ZNF618: variants seen among roughly 807,000 people sequenced by gnomAD.
ZNF618 encodes the protein zinc finger protein 618.
A neutral mutation model predicts 103.0 loss-of-function variants in ZNF618; 34 were observed. That is an observed-to-expected ratio of 0.33 (90% CI 0.25 to 0.44). The LOEUF is 0.44. ZNF618 is among the 20% of genes least tolerant of loss of function. The pLI is 1.00. For synonymous variants in ZNF618, 551 were observed against 542.2 expected (o/e 1.02, Z -0.23); for missense variants, 1,059 against 1,295.4 (o/e 0.82, Z 2.80).
chr9:113,915,100 A>G (rs1831946232), intron 1 of ZNF618, among the ~76,000 whole-genome samples: 1 of 152,242 alleles, frequency 6.6e-6, no homozygotes, highest in Admixed American at 6.5e-5. Context: ...CAGTTTTAGC[A>G]GCAACTGACC....
intron 6 of ZNF618, among the ~76,000 whole-genome samples, chr9:114,005,259 A>G (rs775268922): frequency 1.3e-5 from 2 of 152,224 alleles, no homozygotes; most frequent in African/African-American, 2.4e-5. Context: ...TCTAAGAGAC[A>G]CCGAGCTCTC....
At chr9:113,958,317 G>C (rs527567598) in intron 1 of ZNF618, among the ~76,000 whole-genome samples, 2 of 152,236 alleles carry the variant, frequency 1.3e-5, no homozygotes, top group Non-Finnish European at 2.9e-5. Flanking sequence ...CCTGCACATG[G>C]GGACTGGTGA....
intron 1 of ZNF618, among the ~76,000 whole-genome samples, chr9:113,911,205 A>G (rs1831514702): frequency 6.6e-6 from 1 of 152,258 alleles, no homozygotes; most frequent in African/African-American, 2.4e-5. Flanking sequence ...TGTTATAACA[A>G]ATAGCAAGTG....
At chr9:113,954,598 A>C (rs1486560301) in intron 1 of ZNF618, among the ~76,000 whole-genome samples, 1 of 151,812 alleles carries the variant, frequency 6.6e-6, no homozygotes, top group African/African-American at 2.4e-5. Context: ...ACTCAGGTGG[A>C]CTCTTTGGTT....
chr9:114,006,623 A>G (rs1241485725), intron 6 of ZNF618, among the ~76,000 whole-genome samples: 1 of 152,210 alleles, frequency 6.6e-6, no homozygotes, highest in African/African-American at 2.4e-5. Flanking sequence ...ACTGGAAGCA[A>G]CAAGCATTGA....
chr9:113,969,179 C>A lies in ZNF618; in HGVS notation c.77+19C>A. The stretch of plus-strand genomic sequence containing the variant: ...CGAGCAGGTACACTCCCTCTCCCGC[C>A]CCCAGCTTGTCCACCCATCGACTCA... On this transcript the variant is annotated intron_variant, in intron 2 of 14. Transcript: ENST00000374126. 1 of 1,613,960 alleles carries A rather than the reference C, an allele frequency of 6.2e-7. No individual in the cohort carries two copies. Among genetic ancestry groups the A allele is most frequent in the Non-Finnish European group, 8.5e-7 (1 of 1,179,858 alleles).
intron 10 of ZNF618, among the ~76,000 whole-genome samples, chr9:114,020,698 T>A (rs1380390076): frequency 2.0e-5 from 3 of 152,152 alleles, no homozygotes; most frequent in African/African-American, 7.2e-5. Context: ...TAGATTTTTT[T>A]AGATTTTTTT....
chr9:113,962,642 C>G (rs1836962015), intron 1 of ZNF618, among the ~76,000 whole-genome samples: 1 of 152,200 alleles, frequency 6.6e-6, no homozygotes, highest in Non-Finnish European at 1.5e-5. Flanking sequence ...GTCATTTGCA[C>G]TGGCATCCAC....
At chr9:113,928,327 T>G (rs1039960134) in intron 1 of ZNF618, among the ~76,000 whole-genome samples, 1 of 152,230 alleles carries the variant, frequency 6.6e-6, no homozygotes, top group African/African-American at 2.4e-5. Context: ...TGTTGTCTAA[T>G]TTTTCCATTA....
chr9:114,000,751 G>A (rs573143035), intron 4 of ZNF618, among the ~76,000 whole-genome samples: 15 of 152,266 alleles, frequency 9.9e-5, no homozygotes, highest in African/African-American at 3.4e-4. Context: ...CGGAGGGGCT[G>A]GTCTTGTGCT....
intron 10 of ZNF618, among the ~76,000 whole-genome samples, chr9:114,019,168 T>C (rs1403568842): frequency 8.7e-6 from 1 of 115,190 alleles, no homozygotes; most frequent in African/African-American, 2.6e-5. Flanking sequence ...TATCATATTC[T>C]CATATGTATC....
chr9:114,011,497 G>A (rs1372312785), intron 9 of ZNF618, among the ~76,000 whole-genome samples: 1 of 152,240 alleles, frequency 6.6e-6, no homozygotes, highest in Non-Finnish European at 1.5e-5. Context: ...GAATGGAGCT[G>A]AGATTGCTGG....
Position 114,048,651 on chromosome 9 carries a change from C to A in ZNF618, c.1349C>A (p.Thr450Asn), listed in dbSNP as rs1438785240. Residue 450 changes from threonine (T) to asparagine (N), a missense_variant and splice_region_variant, in exon 15 of 15, where the codon ACC becomes AAC. Physicochemically the swap from Thr to Asn is moderately conservative, Grantham distance 65 (BLOSUM62 0). Around this residue, in one of 6 missense-constraint regions of ZNF618, gnomAD observed 434 missense variants for 476.0 expected, o/e 0.91. Coordinates refer to ENST00000374126, the MANE Select transcript of ZNF618 (RefSeq NM_001318042.2). ...CATCTGTCTTTGTGTCCTCTGCCAG[C>A]CACTACCAGTGGTTTAACACCCAAC... ...PQAQRNSANNTTTSGLTPNSM... is the reference protein window; with the variant it reads ...PQAQRNSANNNTTSGLTPNSM... The A allele has an allele frequency of 6.2e-7, 1 of 1,606,488 alleles. No individual in the cohort carries two copies. Among genetic ancestry groups the A allele is most frequent in the Non-Finnish European group, 8.5e-7 (1 of 1,174,766 alleles).
chr9:113,945,399 T>A (rs569756286), intron 1 of ZNF618, among the ~76,000 whole-genome samples: 11 of 152,212 alleles, frequency 7.2e-5, no homozygotes, highest in African/African-American at 2.7e-4. Flanking sequence ...ATGATAGTTA[T>A]CTATTTATTG....
At chr9:113,974,987 AAT>A (rs1838347638) in intron 2 of ZNF618, among the ~76,000 whole-genome samples, 2 of 152,298 alleles carry the variant, frequency 1.3e-5, no homozygotes, top group African/African-American at 4.8e-5. Context: ...TAGGTGTAAT[AAT>A]ATATATACCC....
At position 113,903,587 on chromosome 9, in the gene ZNF618, C is replaced by T. The variant is rs183412994; in HGVS notation, c.33+27174C>T. On this transcript the variant is annotated intron_variant, in intron 1 of 14. Coordinates refer to ENST00000374126, the MANE Select transcript of ZNF618 (RefSeq NM_001318042.2). ...TTCCCAGTTTTCTGGCTGTTATAAC[C>T]GGAGAACCAGTGCTTCCTATGTAGG... is the stretch of plus-strand genomic sequence containing the variant. Among the ~76,000 whole-genome samples, 601 of 152,062 alleles carry T rather than the reference C, an allele frequency of 4.0e-3. 3 individuals carry two copies. The highest frequency in any genetic ancestry group is 2.7e-3 in the Non-Finnish European group (186 of 67,978).
In ZNF618 at chr9:113,908,850, C is replaced by T. The variant is rs137908292; in HGVS notation, c.33+32437C>T. 4.7e-3 allele frequency among the ~76,000 whole-genome samples: 715 copies of T among 152,076 alleles called. 5 individuals are homozygous for T. Among genetic ancestry groups the T allele is most frequent in the African/African-American group, 0.017 (687 of 41,486 alleles). Reference sequence around the variant, plus strand: ...CTCACCCTCCAAGAAACAGGTCTTGCCCTTCAATCTCTGAAGTGCCATTCT... The same window carrying T: ...CTCACCCTCCAAGAAACAGGTCTTGTCCTTCAATCTCTGAAGTGCCATTCT... On this transcript the variant is annotated intron_variant, in intron 1 of 14. Coordinates refer to ENST00000374126, the MANE Select transcript of ZNF618 (RefSeq NM_001318042.2).
At chr9:113,881,474 C>A (rs1828509306) in intron 1 of ZNF618, among the ~76,000 whole-genome samples, 1 of 152,204 alleles carries the variant, frequency 6.6e-6, no homozygotes, top group Admixed American at 6.5e-5. Context: ...ATAATACTAT[C>A]CTTTCATCAA....
In ZNF618 at chr9:113,883,982, G is replaced by GCCGCCCCCCCCCCCC. The variant is rs1268932490; in HGVS notation, c.33+7571_33+7572insGCCCCCCCCCCCCCC. 6.7e-5 allele frequency among the ~76,000 whole-genome samples: 2 copies of GCCGCCCCCCCCCCCC among 29,714 alleles called. 1 individual carries two copies. Among genetic ancestry groups the GCCGCCCCCCCCCCCC allele is most frequent in the Non-Finnish European group, 1.2e-4 (2 of 16,848 alleles). The allele number at this position is 29,714 out of a possible 152,430, so 19.5% of individuals were successfully genotyped here. ...TTTACCTCACTTTTCTCTGGGCTTG[G>GCCGCCCCCCCCCCCC]CCCCCCCCCCCCCCCCCCCCGCCCT... On this transcript the variant is annotated intron_variant, in intron 1 of 14. Coordinates refer to ENST00000374126, the MANE Select transcript of ZNF618 (RefSeq NM_001318042.2).
Sources: allele counts gnomAD v4.1 joint callset (sites outside exome capture counted in the v4.1 genomes callset), GRCh38; gene constraint gnomAD v4.1.1; regional missense constraint gnomAD v4.1.1; transcripts MANE v1.5; gene names NCBI Gene and HGNC (gene_info 2026-07-23, HGNC 2026-07-21).